CCDC102B: variants seen among roughly 807,000 people sequenced by gnomAD.
CCDC102B encodes coiled-coil domain containing 102B.
In CCDC102B, 75 loss-of-function variants were observed where a neutral mutation model predicts 57.4. The ratio of observed to expected loss-of-function variants is 1.31; its 90% CI spans 1.08 to 1.58. The LOEUF is 1.58. Among genes scored for constraint, CCDC102B ranks in the 40% most tolerant of loss-of-function variants. CCDC102B has a pLI of 0.00. For missense variants in CCDC102B, 636 were observed against 582.6 expected (o/e 1.09, Z -0.94); for synonymous variants, 206 against 201.9 (o/e 1.02, Z -0.17).
intron 4 of CCDC102B, among the ~76,000 whole-genome samples, chr18:68,862,098 T>A (rs1047316036): frequency 2.0e-5 from 3 of 152,316 alleles, no homozygotes; most frequent in African/African-American, 7.2e-5. Context: ...TATTTCCTTA[T>A]TAGATATTTT....
At chr18:68,890,657 G>A (rs1008405421) in intron 5 of CCDC102B, among the ~76,000 whole-genome samples, 1 of 152,110 alleles carries the variant, frequency 6.6e-6, no homozygotes, top group Non-Finnish European at 1.5e-5. Flanking sequence ...TTGCTTTAGA[G>A]ATAGTATATA....
At chr18:68,968,022 T>G (rs1218820531) in intron 6 of CCDC102B, among the ~76,000 whole-genome samples, 2 of 152,150 alleles carry the variant, frequency 1.3e-5, no homozygotes, top group Non-Finnish European at 2.9e-5. Flanking sequence ...GAAATCTAAG[T>G]TAACCAGTAA....
At chr18:68,961,402 A>G (rs2050045282) in intron 6 of CCDC102B, among the ~76,000 whole-genome samples, 1 of 152,044 alleles carries the variant, frequency 6.6e-6, no homozygotes, top group African/African-American at 2.4e-5. Context: ...ATATAGGATT[A>G]TGACAAAAAT....
At chr18:68,992,543 G>T (rs1417499888) in intron 6 of CCDC102B, among the ~76,000 whole-genome samples, 1 of 152,138 alleles carries the variant, frequency 6.6e-6, no homozygotes, top group Non-Finnish European at 1.5e-5. Context: ...CAGAATATCT[G>T]GAGATGGAGC....
At position 68,838,262 on chromosome 18, in the gene CCDC102B, C is replaced by A. The variant is rs75471638; in HGVS notation, c.607-444C>A. ...AGGGGAACTAAAATGAAGCAATAAG[C>A]AAGCTTTTTAAAATATTCAACAGCT... On this transcript the variant is annotated intron_variant, in intron 2 of 7. Transcript: ENST00000360242. Among the ~76,000 whole-genome samples the A allele has an allele frequency of 1.0e-2, 1,515 of 152,250 alleles. 25 individuals carry two copies. The highest frequency in any genetic ancestry group is 0.034 in the African/African-American group (1,433 of 41,542).
chr18:68,796,278 C>G (rs943811579), upstream of CCDC102B, among the ~76,000 whole-genome samples: 4 of 152,020 alleles, frequency 2.6e-5, no homozygotes, highest in Admixed American at 2.6e-4. Context: ...GGAACTAGTG[C>G]TGGATTTGAT....
At chr18:68,763,760 TACAG>T (rs1322146470) in intron 2 of CCDC102B, among the ~76,000 whole-genome samples, 1 of 141,612 alleles carries the variant, frequency 7.1e-6, no homozygotes, top group Non-Finnish European at 1.5e-5. Flanking sequence ...TATTCCTCAA[TACAG>T]ACAAATATTC....
intron 2 of CCDC102B, among the ~76,000 whole-genome samples, chr18:68,785,618 A>C (rs975818861): frequency 2.0e-5 from 3 of 149,622 alleles, no homozygotes; most frequent in Non-Finnish European, 4.5e-5. Context: ...TGGCTGCATA[A>C]ATGTCTTCTT....
At chr18:68,720,740 G>T (rs192860604) in intron 2 of CCDC102B, among the ~76,000 whole-genome samples, 1 of 152,236 alleles carries the variant, frequency 6.6e-6, no homozygotes, top group African/African-American at 2.4e-5. Context: ...AGTGAACTCT[G>T]TTTTTGTACA....
At chr18:69,045,750 C>T (rs1238350389) in intron 7 of CCDC102B, among the ~76,000 whole-genome samples, 5 of 152,142 alleles carry the variant, frequency 3.3e-5, no homozygotes, top group Middle Eastern at 3.4e-3. Context: ...GTTCCTCTCC[C>T]TCCTTCCACC....
chr18:68,973,729 G>A (rs1201817870), intron 6 of CCDC102B, among the ~76,000 whole-genome samples: 1 of 152,070 alleles, frequency 6.6e-6, no homozygotes, highest in Non-Finnish European at 1.5e-5. Context: ...TATCAAAAAT[G>A]TACAATATTT....
chr18:69,027,840 G>C (rs930110838), intron 7 of CCDC102B, among the ~76,000 whole-genome samples: 7 of 152,114 alleles, frequency 4.6e-5, no homozygotes, highest in Non-Finnish European at 2.9e-5. Flanking sequence ...GTGAATTGTA[G>C]TCATACCTCC....
Position 69,054,476 on chromosome 18 carries a change from C to A in CCDC102B, c.*339C>A. The A allele has an allele frequency of 2.0e-6, 2 of 1,010,936 alleles. No individual in the cohort carries two copies. The highest frequency in any genetic ancestry group is 2.4e-6 in the Non-Finnish European group (2 of 847,150). 62.6% of individuals were successfully genotyped at this position (1,010,936 alleles called of 1,614,324 possible). A position where few individuals can be genotyped will look rare whatever the true frequency, so the allele number is the denominator to read the frequency against. On this transcript the variant is annotated 3_prime_UTR_variant, in exon 8 of 8. Transcript: ENST00000360242. ...AAAGTAAGTTGAAAACCATACAAGA[C>A]GCTGGGTCATTAATAAGAAAACCAT...
At chr18:69,024,962 C>G (rs149861315) in intron 7 of CCDC102B, among the ~76,000 whole-genome samples, 2 of 152,048 alleles carry the variant, frequency 1.3e-5, no homozygotes, top group African/African-American at 4.8e-5. Context: ...AAACAACTTG[C>G]ATAATCAGAT....
At chr18:68,942,463 T>C (rs2145171573) in intron 6 of CCDC102B, among the ~76,000 whole-genome samples, 1 of 152,064 alleles carries the variant, frequency 6.6e-6, no homozygotes, top group African/African-American at 2.4e-5. Context: ...TTATCGGGCG[T>C]TTCTCAGAGA....
Position 68,867,247 on chromosome 18 carries a change from C to A in CCDC102B, c.937-7422C>A, listed in dbSNP as rs532413037. On this transcript the variant is annotated intron_variant, in intron 4 of 7. Transcript: ENST00000360242. ...CCTCGTGATCCGCCCGTCTCGGCCT[C>A]CCGAAGTGCTGGGATTACAGGCGTG... is the stretch of plus-strand genomic sequence containing the variant. Among the ~76,000 whole-genome samples, 5 of 152,314 alleles carry A rather than the reference C, an allele frequency of 3.3e-5. No homozygotes were observed. The East Asian group carries it at 9.7e-4, about 30-fold the overall frequency.
chr18:69,018,084 T>A (rs1054499649), intron 7 of CCDC102B, among the ~76,000 whole-genome samples: 1 of 152,182 alleles, frequency 6.6e-6, no homozygotes, highest in Non-Finnish European at 1.5e-5. Context: ...TGTGTGTGAG[T>A]GTATCTCACA....
intron 1 of CCDC102B, among the ~76,000 whole-genome samples, chr18:68,802,661 A>G (rs1357238700): frequency 6.6e-6 from 1 of 152,132 alleles, no homozygotes; most frequent in Non-Finnish European, 1.5e-5. Context: ...TGGTCCATTC[A>G]TTGTCTATGG....
At chr18:68,784,575 C>T (rs181513375) in intron 2 of CCDC102B, among the ~76,000 whole-genome samples, 3 of 152,142 alleles carry the variant, frequency 2.0e-5, no homozygotes, top group Non-Finnish European at 2.9e-5. Context: ...AAATTCATAC[C>T]TTATAATAAA....
Sources: allele counts gnomAD v4.1 joint callset (sites outside exome capture counted in the v4.1 genomes callset), GRCh38; gene constraint gnomAD v4.1.1; transcripts MANE v1.5; gene names NCBI Gene and HGNC (gene_info 2026-07-23, HGNC 2026-07-21).